DPH6: variants seen among roughly 807,000 people sequenced by gnomAD.
The protein encoded by DPH6 is diphthine--ammonia ligase.
In DPH6, 33 loss-of-function variants were observed where a neutral mutation model predicts 38.2. The ratio of observed to expected loss-of-function variants is 0.86; its 90% CI spans 0.65 to 1.15. The LOEUF is 1.15. Among genes scored for constraint, DPH6 ranks in the 50% most tolerant of loss-of-function variants. The probability of loss-of-function intolerance (pLI) is 0.00; values close to 1 mark genes in which losing one functional copy is unlikely to be tolerated. For synonymous variants in DPH6, 108 were observed against 103.0 expected, an observed-to-expected ratio of 1.05 and a Z score of -0.30; for missense variants, 325 against 320.0, an observed-to-expected ratio of 1.02 and a Z score of -0.12.
chr15:35,317,437 AAG>A (rs1433460062), intron 3 of DPH6, among the ~76,000 whole-genome samples: 2 of 151,204 alleles, frequency 1.3e-5, no homozygotes, highest in African/African-American at 4.9e-5. Flanking sequence ...GGGAGGAAGA[AAG>A]AGAGAGAGAA....
chr15:35,516,413 T>C (rs144399248), intron 3 of DPH6, among the ~76,000 whole-genome samples: 259 of 152,326 alleles, frequency 1.7e-3, no homozygotes, highest in African/African-American at 5.9e-3. Context: ...GATTATCCCA[T>C]TAAATGCTCA....
chr15:35,535,872 G>A (rs2055161160), intron 3 of DPH6, among the ~76,000 whole-genome samples: 1 of 152,032 alleles, frequency 6.6e-6, no homozygotes, highest in Non-Finnish European at 1.5e-5. Flanking sequence ...GTTCCTCCAA[G>A]TCTTTCCTAC....
At chr15:35,221,933 T>C (rs552540304) in intron 3 of DPH6, among the ~76,000 whole-genome samples, 1 of 152,330 alleles carries the variant, frequency 6.6e-6, no homozygotes, top group East Asian at 1.9e-4. Context: ...CTGTCAGATA[T>C]CCTGGTTCAT....
chr15:35,301,464 C>G (rs2052054123), intron 3 of DPH6, among the ~76,000 whole-genome samples: 1 of 152,150 alleles, frequency 6.6e-6, no homozygotes, highest in African/African-American at 2.4e-5. Flanking sequence ...CTTTTCTCCT[C>G]TTTGTTTTTC....
At chr15:35,333,825 A>G (rs146271104) in intron 3 of DPH6, among the ~76,000 whole-genome samples, 4,632 of 152,258 alleles carry the variant, frequency 0.03, 214 homozygotes, top group African/African-American at 0.11. Flanking sequence ...ACATGCACCC[A>G]TAGGTTCACT....
intron 3 of DPH6, among the ~76,000 whole-genome samples, chr15:35,534,234 G>A (rs113845082): frequency 0.022 from 3,402 of 151,678 alleles, 118 homozygotes; most frequent in African/African-American, 0.073. Flanking sequence ...AAAATTAGCC[G>A]GGCATGGTGG....
rs565310940 is a variant in DPH6, at chr15:35,313,317, T to TG, written n.200+60203dup. 4.2e-3 allele frequency among the ~76,000 whole-genome samples: 641 copies of TG among 152,008 alleles called. 3 individuals are homozygous for TG. Among genetic ancestry groups the TG allele is most frequent in the African/African-American group, 0.015 (613 of 41,466 alleles). On this transcript the variant is annotated intron_variant and non_coding_transcript_variant, in intron 3 of 3. Coordinates refer to the DPH6 transcript ENST00000560386. ...TTGGCTCAGGATTGCTTCGGCCACT[T>TG]GGAGTCTTTCATGGTTTTATATACA...
intron 3 of DPH6, among the ~76,000 whole-genome samples, chr15:35,478,277 T>C (rs1386070280): frequency 6.6e-6 from 1 of 151,550 alleles, no homozygotes; most frequent in African/African-American, 2.4e-5. Context: ...AAATGCTATA[T>C]TCAACATTCA....
intron 3 of DPH6, among the ~76,000 whole-genome samples, chr15:35,332,832 ATACAATTACAC>A (rs2052336266): frequency 2.6e-5 from 4 of 152,110 alleles, no homozygotes; most frequent in Admixed American, 2.6e-4. Context: ...GTGCATGCAC[ATACAATTACAC>A]TACAAAGCAA....
At chr15:35,349,554 A>G (rs2052492435) in intron 3 of DPH6, among the ~76,000 whole-genome samples, 1 of 152,092 alleles carries the variant, frequency 6.6e-6, no homozygotes, top group South Asian at 2.1e-4. Context: ...CTTGTGCCTC[A>G]GCCACTGGAG....
intron 3 of DPH6, among the ~76,000 whole-genome samples, chr15:35,336,035 T>C (rs760324413): frequency 6.6e-6 from 1 of 152,226 alleles, no homozygotes; most frequent in Non-Finnish European, 1.5e-5. Flanking sequence ...TTTATCCATT[T>C]GTGTCCTCTG....
chr15:35,422,573 G>T (rs569011959), intron 5 of DPH6, among the ~76,000 whole-genome samples: 93 of 152,032 alleles, frequency 6.1e-4, no homozygotes, highest in African/African-American at 2.2e-3. Context: ...TGTGTGTGTT[G>T]TGAGAACACT....
chr15:35,403,897 T>G (rs1328863277), intron 6 of DPH6, among the ~76,000 whole-genome samples: 1 of 151,894 alleles, frequency 6.6e-6, no homozygotes, highest in Admixed American at 6.6e-5. Context: ...CAGCCTCTGG[T>G]AACCATCCTT....
chr15:35,546,136 C>T lies in DPH6; in HGVS notation c.6G>A (p.Arg2=). 7.1e-7 allele frequency: 1 copy of T among 1,401,940 alleles called. No homozygotes were observed. The highest frequency in any genetic ancestry group is 1.6e-5 in the South Asian group (1 of 61,670). The allele number at this position is 1,401,940 out of a possible 1,614,324, so 86.8% of individuals were successfully genotyped here. The stretch of plus-strand genomic sequence containing the variant: ...CGCATTACCTGATCAGAGCCGCGAC[C>T]CTCATGCTGGGCGCAGTGCGCGTGC... M[R]VAALISGGKD... The change falls in exon 1 of 9, where the codon AGG becomes AGA. Residue 2 remains arginine, a synonymous_variant. Transcript: ENST00000256538.
chr15:35,297,592 G>C (rs1427274197), intron 3 of DPH6, among the ~76,000 whole-genome samples: 1 of 151,590 alleles, frequency 6.6e-6, no homozygotes, highest in East Asian at 1.9e-4. Flanking sequence ...TATAGGACTT[G>C]ATCTCTCTCC....
intron 3 of DPH6, among the ~76,000 whole-genome samples, chr15:35,504,171 C>T (rs1256685095): frequency 2.0e-5 from 3 of 151,978 alleles, no homozygotes; most frequent in Non-Finnish European, 4.4e-5. Context: ...TTCAAAAACT[C>T]CCCATTACTT....
the DPH6 span, among the ~76,000 whole-genome samples, chr15:35,193,624 T>G: frequency 2.2e-4 from 33 of 152,310 alleles, no homozygotes; most frequent in African/African-American, 7.9e-4. Context: ...ATTATATATG[T>G]ATTTCTCAGA....
intron 5 of DPH6, among the ~76,000 whole-genome samples, chr15:35,432,587 C>T (rs963100045): frequency 6.6e-6 from 1 of 152,070 alleles, no homozygotes; most frequent in Non-Finnish European, 1.5e-5. Flanking sequence ...AAAATACACA[C>T]ATAAGACAAA....
At chr15:35,411,069 G>A (rs930542461) in intron 5 of DPH6, among the ~76,000 whole-genome samples, 173 bp from the exon 6 acceptor site, 1 of 151,122 alleles carries the variant, frequency 6.6e-6, no homozygotes, top group African/African-American at 2.4e-5. Context: ...ATTCCCCTTG[G>A]GTAACTGGTT....
Sources: allele counts gnomAD v4.1 joint callset (sites outside exome capture counted in the v4.1 genomes callset), GRCh38; gene constraint gnomAD v4.1.1; transcripts MANE v1.5; gene names NCBI Gene and HGNC (gene_info 2026-07-23, HGNC 2026-07-21).